Variants in JOSD2 observed in about 807,000 individuals in gnomAD.
JOSD2 encodes Josephin domain containing 2.
JOSD2 carries 20 observed loss-of-function variants against 19.3 expected under a neutral mutation model. That is an observed-to-expected ratio of 1.04 (90% CI 0.73 to 1.51). The LOEUF (loss-of-function observed/expected upper bound fraction) is 1.51, where lower values mean the gene tolerates loss of function less well. Among genes scored for constraint, JOSD2 ranks in the 40% most tolerant of loss-of-function variants. The pLI is 0.00. For synonymous variants in JOSD2, 118 were observed against 123.7 expected, an observed-to-expected ratio of 0.95 and a Z score of 0.31; for missense variants, 215 against 250.4, an observed-to-expected ratio of 0.86 and a Z score of 0.95.
chr19:50,509,776 G>A (rs898048709), intron 2 of JOSD2, among the ~76,000 whole-genome samples: 4 of 151,972 alleles, frequency 2.6e-5, no homozygotes, highest in African/African-American at 7.2e-5. Flanking sequence ...CCACTGGGCC[G>A]GGTGCAGTGG....
intron 2 of JOSD2, among the ~76,000 whole-genome samples, chr19:50,509,279 G>A (rs1346822075): frequency 6.6e-6 from 1 of 151,934 alleles, no homozygotes; most frequent in East Asian, 1.9e-4. Flanking sequence ...TTTTAGTAGA[G>A]ACGGGGTTTC....
At chr19:50,510,865 C>A (rs1057087643) in intron 1 of JOSD2, among the ~76,000 whole-genome samples, 1 of 152,040 alleles carries the variant, frequency 6.6e-6, no homozygotes, top group South Asian at 2.1e-4. Context: ...ATCCTCCTCC[C>A]CTGTCTCTAG....
rs113446447 is a variant in JOSD2, at chr19:50,506,360, C to A, written c.467+18G>T. On this transcript the variant is annotated intron_variant, in intron 4 of 4. Coordinates refer to ENST00000598418, the MANE Select transcript of JOSD2 (RefSeq NM_001270639.2). ...GGTTTCAGGCCCCTGGTCTTGGAAT[C>A]GCCTCTGTGGGGCTCACCTGACTCC... The A allele has an allele frequency of 2.5e-6, 4 of 1,603,280 alleles. No individual in the cohort carries two copies. The highest frequency in any genetic ancestry group is 1.7e-5 in the Admixed American group (1 of 58,572).
chr19:50,510,759 A>C (rs1441669503), intron 1 of JOSD2, among the ~76,000 whole-genome samples: 1 of 151,846 alleles, frequency 6.6e-6, no homozygotes, highest in East Asian at 1.9e-4. Context: ...CCCCGTCCCT[A>C]GGTAACCAGG....
At chr19:50,509,997 G>A (rs1479477498) in intron 2 of JOSD2, 2 of 301,550 alleles carry the variant, frequency 6.6e-6, no homozygotes, top group Admixed American at 1.0e-4. Flanking sequence ...AGCTCGCAGT[G>A]AGCGAGATCG....
chr19:50,509,458 A>G lies in JOSD2; in HGVS notation c.146+828T>C, dbSNP rs866918284. On this transcript the variant is annotated intron_variant, in intron 2 of 4. Transcript: ENST00000598418. ...TTCCATGCTGGCAGAGAAGGAAGCC[A>G]TGCCGGGCAGAAAGAAGTACCTGGA... Among the ~76,000 whole-genome samples, 14 of 152,250 alleles carry G rather than the reference A, an allele frequency of 9.2e-5. No individual in the cohort carries two copies. The South Asian group carries it at 2.7e-3, about 29-fold the overall frequency.
Position 50,506,562 on chromosome 19 carries a change from G to C in JOSD2, c.283C>G (p.Gln95Glu). The change falls in exon 4 of 5, where the codon CAG (glutamine) becomes GAG (glutamate). Residue 95 changes from glutamine (Q) to glutamate (E), a missense_variant. By Grantham distance (29) the Gln-to-Glu change is conservative. Coordinates refer to ENST00000598418, the MANE Select transcript of JOSD2 (RefSeq NM_001270639.2). ...VWWDRRRPLS[Q>E]LALPQVLGLI... ...CCCAGTACCTGGGGCAGGGCCAGCT[G>C]GGACAGGGGCCTGTGTGGGCAGGGA... 2.0e-6 allele frequency: 3 copies of C among 1,536,638 alleles called. No homozygotes were observed. The highest frequency in any genetic ancestry group is 2.6e-6 in the Non-Finnish European group (3 of 1,139,248).
chr19:50,510,421 G>A lies in JOSD2; in HGVS notation c.11C>T (p.Ala4Val), dbSNP rs1446994649. 1 of 1,608,608 alleles carries A rather than the reference G, an allele frequency of 6.2e-7. No individual in the cohort carries two copies. The highest frequency in any genetic ancestry group is 8.5e-7 in the Non-Finnish European group (1 of 1,177,210). ...GGGTGGGCTCGGCTGTGCTCCCGGGGCCTGGGACATGCCGTCCTCGGCTCC... is the reference window on the plus strand; with the variant it reads ...GGGTGGGCTCGGCTGTGCTCCCGGGACCTGGGACATGCCGTCCTCGGCTCC... MSQAPGAQPSPPTV... is the reference protein window; with the variant it reads MSQVPGAQPSPPTV... Residue 4 changes from alanine (A) to valine (V), a missense_variant, in exon 2 of 5, where the codon GCC becomes GTC. By Grantham distance (64) the Ala-to-Val change is moderately conservative. Coordinates refer to ENST00000598418, the MANE Select transcript of JOSD2 (RefSeq NM_001270639.2).
chr19:50,506,637 A>C, intron 3 of JOSD2, 65 bp from the exon 4 acceptor site: 1 of 1,407,370 alleles, frequency 7.1e-7, no homozygotes, highest in Non-Finnish European at 9.5e-7. Context: ...AATGTTGCTG[A>C]ACATGTGGGG....
chr19:50,507,525 G>A (rs779296565), intron 3 of JOSD2, 49 bp downstream of exon 3: 1 of 1,565,388 alleles, frequency 6.4e-7, no homozygotes, highest in Non-Finnish European at 8.6e-7. Flanking sequence ...ACACTATAGG[G>A]TGCCCTCTGT....
intron 2 of JOSD2, among the ~76,000 whole-genome samples, chr19:50,509,450 AG>A (rs1979595331): frequency 6.6e-6 from 1 of 152,116 alleles, no homozygotes; most frequent in African/African-American, 2.4e-5. Flanking sequence ...CTGGCAGAGA[AG>A]GAAGCCATGC....
Position 50,508,601 on chromosome 19 carries a change from C to T in JOSD2, c.147-902G>A, listed in dbSNP as rs546497425. 4.0e-5 allele frequency among the ~76,000 whole-genome samples: 6 copies of T among 151,786 alleles called. No individual in the cohort carries two copies. In the South Asian group the frequency reaches 8.3e-4, roughly 21 times the overall value. ...CTTCCCCTGCCTAGGAAGGCTCTTC[C>T]GCCTGTCACCACTTGTCTCTGGGCC... On this transcript the variant is annotated intron_variant, in intron 2 of 4. Transcript: ENST00000598418.
Position 50,506,391 on chromosome 19 carries a change from C to T in JOSD2, c.454G>A (p.Glu152Lys). 6.2e-7 allele frequency: 1 copy of T among 1,606,302 alleles called. No individual in the cohort carries two copies. Among genetic ancestry groups the T allele is most frequent in the Non-Finnish European group, 8.5e-7 (1 of 1,176,988 alleles). ...TGTGGGGCTCACCTGACTCCGTCCT[C>T]ATCCCCCAGGGCCTCGGGCGCCCGC... ...KLRAPEALGDEDGVRAFLAAA... is the reference protein window; with the variant it reads ...KLRAPEALGDKDGVRAFLAAA... The change falls in exon 4 of 5, where the codon GAG (glutamate) becomes AAG (lysine). Residue 152 changes from glutamate (E) to lysine (K), a missense_variant. Physicochemically the swap from Glu to Lys is moderately conservative, Grantham distance 56. Transcript: ENST00000598418.
intron 2 of JOSD2, chr19:50,510,061 A>AAAAAAAAG: frequency 2.2e-6 from 1 of 453,844 alleles, no homozygotes; most frequent in Non-Finnish European, 3.9e-6. Flanking sequence ...CAAAAAAAAA[A>AAAAAAAAG]AAAAAAGAAA....
At chr19:50,507,089 T>C (rs1273336683) in intron 3 of JOSD2, among the ~76,000 whole-genome samples, 26 of 127,674 alleles carry the variant, frequency 2.0e-4, no homozygotes, top group Non-Finnish European at 3.6e-4. Context: ...CCATCTACTG[T>C]TCACCACCCA....
intron 3 of JOSD2, 30 bp downstream of exon 3, chr19:50,507,544 C>T (rs1208893522): frequency 1.9e-6 from 3 of 1,588,990 alleles, no homozygotes; most frequent in Admixed American, 1.7e-5. Context: ...GTGCCCGGCC[C>T]AGCACATGCT....
rs371424704 is a variant in JOSD2 at position 50,506,798 on chromosome 19, C to T, written c.273-226G>A. Among the ~76,000 whole-genome samples the T allele has an allele frequency of 1.2e-4, 14 of 114,452 alleles. No individual in the cohort carries two copies. In the South Asian group the frequency reaches 1.3e-3, roughly 10 times the overall value. The allele number at this position is 114,452 out of a possible 152,430, so 75.1% of individuals were successfully genotyped here. On this transcript the variant is annotated intron_variant, in intron 3 of 4. Coordinates refer to ENST00000598418, the MANE Select transcript of JOSD2 (RefSeq NM_001270639.2). ...CCAGACCTCCCACCCACCCACCCACCGTCCACCCACCCACCCACCGTCCAC... is the reference window on the plus strand; with the variant it reads ...CCAGACCTCCCACCCACCCACCCACTGTCCACCCACCCACCCACCGTCCAC...
At chr19:50,506,718 C>T (rs1349151219) in intron 3 of JOSD2, 146 bp from the exon 4 acceptor site, 7 of 719,950 alleles carry the variant, frequency 9.7e-6, no homozygotes, top group East Asian at 2.8e-5. Context: ...CCCTGGTTCC[C>T]GACACTCATC....
At chr19:50,509,914 G>A (rs903443174) in intron 2 of JOSD2, among the ~76,000 whole-genome samples, 9 of 151,952 alleles carry the variant, frequency 5.9e-5, no homozygotes, top group Non-Finnish European at 8.8e-5. Context: ...TTAGCCGGGC[G>A]TGGTGGCGGG....
Sources: gnomAD v4.1 joint callset for allele counts (sites outside exome capture counted in the v4.1 genomes callset) on GRCh38, gnomAD v4.1.1 for gene constraint, MANE v1.5 for transcripts, NCBI Gene and HGNC (gene_info 2026-07-23, HGNC 2026-07-21) for gene names.